The following KIF6 variants were observed in gnomAD, a reference collection of about 807,000 sequenced individuals.
KIF6 encodes the protein kinesin-like protein KIF6.
KIF6 carries 106 observed loss-of-function variants against 112.7 expected under a neutral mutation model. That is an observed-to-expected ratio of 0.94 (90% CI 0.80 to 1.11). The LOEUF is 1.11. Ranked by LOEUF, KIF6 falls within the 50% of genes least tolerant of loss-of-function variation. The probability of loss-of-function intolerance (pLI) is 0.00; values close to 1 mark genes in which losing one functional copy is unlikely to be tolerated. For synonymous variants in KIF6, 339 were observed against 339.9 expected (o/e 1.00, Z 0.03); for missense variants, 929 against 964.0 (o/e 0.96, Z 0.48).
chr6:39,580,924 T>C (rs1781251253), intron 9 of KIF6, among the ~76,000 whole-genome samples: 1 of 152,174 alleles, frequency 6.6e-6, no homozygotes, highest in African/African-American at 2.4e-5. Context: ...CATTGATGCA[T>C]TCTCTAGTGA....
intron 15 of KIF6, among the ~76,000 whole-genome samples, chr6:39,394,651 A>G (rs150901285): frequency 2.1e-4 from 32 of 152,364 alleles, no homozygotes; most frequent in African/African-American, 7.2e-4. Context: ...GGGTTCCTCA[A>G]AGAGAAAGGT....
intron 3 of KIF6, among the ~76,000 whole-genome samples, chr6:39,686,858 G>A (rs1175330224): frequency 6.6e-6 from 1 of 152,130 alleles, no homozygotes; most frequent in South Asian, 2.1e-4. Context: ...TAAAGCTAGT[G>A]TATACCTGAG....
intron 13 of KIF6, among the ~76,000 whole-genome samples, chr6:39,481,818 C>G (rs1236093295): frequency 6.6e-6 from 1 of 152,152 alleles, no homozygotes. Context: ...ATGACTTACA[C>G]TTTCCCCTCT....
intron 15 of KIF6, among the ~76,000 whole-genome samples, chr6:39,394,240 C>T (rs1484180068): frequency 1.3e-5 from 2 of 152,088 alleles, no homozygotes; most frequent in South Asian, 4.1e-4. Flanking sequence ...TTACGATTCA[C>T]ATAAAAGCTA....
chr6:39,407,122 G>T (rs1055057468), intron 15 of KIF6, among the ~76,000 whole-genome samples: 5 of 148,672 alleles, frequency 3.4e-5, no homozygotes, highest in Admixed American at 2.7e-4. Context: ...AAAGACTCCT[G>T]TTTTTTTTTT....
At chr6:39,353,188 C>T (rs75940364) in intron 19 of KIF6, among the ~76,000 whole-genome samples, 8,082 of 152,226 alleles carry the variant, frequency 0.053, 267 homozygotes, top group African/African-American at 0.057. Flanking sequence ...TTCCCTCTAG[C>T]AATGAACGAG....
intron 5 of KIF6, among the ~76,000 whole-genome samples, chr6:39,618,236 A>T (rs1269208610): frequency 6.6e-6 from 1 of 152,204 alleles, no homozygotes; most frequent in Non-Finnish European, 1.5e-5. Context: ...TTACTGAGAT[A>T]TTTCAAAAGC....
At chr6:39,715,765 AG>A (rs1478249054) in intron 2 of KIF6, among the ~76,000 whole-genome samples, 1 of 152,178 alleles carries the variant, frequency 6.6e-6, no homozygotes, top group African/African-American at 2.4e-5. Context: ...AGATAATCTA[AG>A]GCACTCTGGC....
chr6:39,439,701 C>CT (rs1447678337), intron 13 of KIF6, among the ~76,000 whole-genome samples: 5 of 151,172 alleles, frequency 3.3e-5, no homozygotes, highest in Admixed American at 6.6e-5. Context: ...TTAATGCTTT[C>CT]TTTTTTTTTC....
chr6:39,521,930 C>T (rs2150526713), intron 13 of KIF6, among the ~76,000 whole-genome samples: 1 of 152,290 alleles, frequency 6.6e-6, no homozygotes, highest in Admixed American at 6.5e-5. Flanking sequence ...ACTGTCATCC[C>T]ATATATTATT....
intron 9 of KIF6, among the ~76,000 whole-genome samples, chr6:39,578,479 C>T (rs921366071): frequency 3.9e-5 from 6 of 151,914 alleles, no homozygotes; most frequent in African/African-American, 1.2e-4. Context: ...CAGGCGCATG[C>T]TACCATGCCC....
intron 13 of KIF6, among the ~76,000 whole-genome samples, chr6:39,454,984 G>A (rs1459584077): frequency 6.6e-6 from 1 of 151,200 alleles, no homozygotes; most frequent in African/African-American, 2.4e-5. Flanking sequence ...GGTAAACAAA[G>A]CAGCCGGGAA....
chr6:39,713,365 A>AATTT (rs2113874310), intron 3 of KIF6, among the ~76,000 whole-genome samples: 1 of 152,322 alleles, frequency 6.6e-6, no homozygotes, highest in East Asian at 1.9e-4. Flanking sequence ...TGACAAAAAC[A>AATTT]ATTTCAGTGA....
chr6:39,568,014 G>A (rs1780406753), intron 10 of KIF6, among the ~76,000 whole-genome samples: 1 of 152,226 alleles, frequency 6.6e-6, no homozygotes. Context: ...GAGGGGGCCT[G>A]AGCGCCAGGC....
chr6:39,385,486 G>T, intron 16 of KIF6, 136 bp downstream of exon 16: 1 of 710,442 alleles, frequency 1.4e-6, no homozygotes. Flanking sequence ...GGAAAGCTGT[G>T]TGGATAGCAA....
At position 39,343,177 on chromosome 6, in the gene KIF6, G is replaced by A. The variant is rs1763439910; in HGVS notation, c.2428+532C>T. 1 of 985,384 alleles carries A rather than the reference G, an allele frequency of 1.0e-6. No homozygotes were observed. Among genetic ancestry groups the A allele is most frequent in the African/African-American group, 1.7e-5 (1 of 57,342 alleles). 61.0% of individuals were successfully genotyped at this position (985,384 alleles called of 1,614,324 possible). A position where few individuals can be genotyped will look rare whatever the true frequency, so the allele number is the denominator to read the frequency against. On this transcript the variant is annotated intron_variant, in intron 22 of 22. Transcript: ENST00000287152. The surrounding 1 kb of genome is among the most constrained non-coding windows in gnomAD (Gnocchi z 4.1). The stretch of plus-strand genomic sequence containing the variant: ...TGGAGGGGGCAGTGATGCAGACCAA[G>A]AAGAGCCTTCTTCTCTTCCTGTTGT...
chr6:39,501,458 C>T (rs563467683), intron 13 of KIF6, among the ~76,000 whole-genome samples: 41 of 152,284 alleles, frequency 2.7e-4, no homozygotes, highest in African/African-American at 9.9e-4. Flanking sequence ...AGCAAGGGCT[C>T]AGAACTGGGC....
intron 10 of KIF6, among the ~76,000 whole-genome samples, chr6:39,550,750 C>A (rs1320087691): frequency 1.3e-5 from 2 of 152,178 alleles, no homozygotes; most frequent in East Asian, 3.9e-4. Context: ...AAATACATAT[C>A]AAAATCTGCC....
At chr6:39,599,061 T>C (rs1782440246) in intron 6 of KIF6, among the ~76,000 whole-genome samples, 1 of 152,174 alleles carries the variant, frequency 6.6e-6, no homozygotes, top group Non-Finnish European at 1.5e-5. Flanking sequence ...TTCTATTTCA[T>C]TTAGTTAAAA....
Sources: gnomAD v4.1 joint callset for allele counts (sites outside exome capture counted in the v4.1 genomes callset) on GRCh38, gnomAD v4.1.1 for gene constraint, Gnocchi (gnomAD v3.1) non-coding constraint, MANE v1.5 for transcripts, NCBI Gene and HGNC (gene_info 2026-07-23, HGNC 2026-07-21) for gene names.